Variants in HOMER1 observed in about 807,000 individuals in gnomAD.
HOMER1 encodes the protein homer protein homolog 1.
HOMER1 carries 3 observed loss-of-function variants against 48.9 expected under a neutral mutation model. That is an observed-to-expected ratio of 0.06 (90% CI 0.03 to 0.16). HOMER1 has a LOEUF of 0.16. Ranked by LOEUF, HOMER1 falls within the 10% of genes least tolerant of loss-of-function variation. The probability of loss-of-function intolerance (pLI) is 1.00; values close to 1 mark genes in which losing one functional copy is unlikely to be tolerated. For synonymous variants in HOMER1, 134 were observed against 146.4 expected, an observed-to-expected ratio of 0.92 and a Z score of 0.61; for missense variants, 247 against 411.4, an observed-to-expected ratio of 0.60 and a Z score of 3.46.
At chr5:79,406,482 A>G (rs1228131529) in intron 5 of HOMER1, among the ~76,000 whole-genome samples, 1 of 152,218 alleles carries the variant, frequency 6.6e-6, no homozygotes, top group Non-Finnish European at 1.5e-5. Flanking sequence ...GCTCTTTACC[A>G]CAGACTTCTA....
chr5:79,513,352 A>C lies in HOMER1; in HGVS notation c.-578T>G, dbSNP rs2112392151. On this transcript the variant is annotated 5_prime_UTR_variant, in exon 1 of 9. Coordinates refer to ENST00000334082, the MANE Select transcript of HOMER1 (RefSeq NM_004272.5). ...AATCTCCTCGAAGTGCAAACCCGGC[A>C]GCTCGCAACCTGCACGGCACTCCAC... is the stretch of plus-strand genomic sequence containing the variant. 6.4e-6 allele frequency: 1 copy of C among 155,094 alleles called. No individual in the cohort carries two copies. The highest frequency in any genetic ancestry group is 1.9e-4 in the South Asian group (1 of 5,194). 9.6% of individuals were successfully genotyped at this position (155,094 alleles called of 1,614,324 possible). A position where few individuals can be genotyped will look rare whatever the true frequency, so the allele number is the denominator to read the frequency against.
intron 8 of HOMER1, among the ~76,000 whole-genome samples, chr5:79,391,446 T>TA (rs1363632606): frequency 2.3e-4 from 35 of 150,850 alleles, no homozygotes; most frequent in Non-Finnish European, 4.1e-4. Context: ...TTTTTTTTTT[T>TA]ATGTATGAAA....
intron 5 of HOMER1, among the ~76,000 whole-genome samples, chr5:79,430,720 C>T (rs1440525605): frequency 6.6e-6 from 1 of 151,790 alleles, no homozygotes; most frequent in Middle Eastern, 3.2e-3. Context: ...GGGTGGATCA[C>T]GAGGTCAAGA....
At chr5:79,377,282 A>C (rs937447568) in intron 8 of HOMER1, among the ~76,000 whole-genome samples, 2 of 152,224 alleles carry the variant, frequency 1.3e-5, no homozygotes, top group African/African-American at 2.4e-5. Context: ...TGCTTTTAAA[A>C]TTGTCTCTAA....
intron 8 of HOMER1, 125 bp downstream of exon 8, chr5:79,396,698 G>C: frequency 2.0e-6 from 1 of 508,812 alleles, no homozygotes; most frequent in South Asian, 3.6e-5. Flanking sequence ...GCATGAATCA[G>C]AAGTCCCGGA....
chr5:79,407,319 G>GA (rs369393571), intron 5 of HOMER1, among the ~76,000 whole-genome samples: 59 of 143,800 alleles, frequency 4.1e-4, no homozygotes, highest in South Asian at 1.3e-3. Flanking sequence ...CAAAAAGCAA[G>GA]AAAAAAAAAA....
intron 2 of HOMER1, among the ~76,000 whole-genome samples, chr5:79,455,898 T>C (rs900933232): frequency 6.6e-6 from 1 of 152,222 alleles, no homozygotes; most frequent in Non-Finnish European, 1.5e-5. Context: ...AGCTCATGCC[T>C]GTAATCCCAG....
At chr5:79,417,628 T>G (rs1039894944) in intron 5 of HOMER1, among the ~76,000 whole-genome samples, 1 of 152,252 alleles carries the variant, frequency 6.6e-6, no homozygotes, top group Non-Finnish European at 1.5e-5. Context: ...TGAGATCAGT[T>G]AATTTCAATC....
chr5:79,392,595 A>G, intron 8 of HOMER1, among the ~76,000 whole-genome samples: 1 of 152,228 alleles, frequency 6.6e-6, no homozygotes, highest in Admixed American at 6.5e-5. Flanking sequence ...AAAATGTTAC[A>G]GTAAGCTAAG....
intron 8 of HOMER1, among the ~76,000 whole-genome samples, chr5:79,392,363 T>C (rs1055204483): frequency 1.3e-5 from 2 of 152,148 alleles, no homozygotes; most frequent in Non-Finnish European, 2.9e-5. Flanking sequence ...AAAACAGTGA[T>C]ATTGATGATC....
intron 6 of HOMER1, among the ~76,000 whole-genome samples, chr5:79,400,261 CCT>C (rs1749499425): frequency 6.6e-6 from 1 of 152,128 alleles, no homozygotes; most frequent in African/African-American, 2.4e-5. Flanking sequence ...CTTTCCCCCA[CCT>C]CTCTTAAGTT....
intron 3 of HOMER1, 44 bp downstream of exon 3, chr5:79,450,946 C>T (rs1290491501): frequency 6.3e-7 from 1 of 1,582,026 alleles, no homozygotes; most frequent in Non-Finnish European, 8.7e-7. Flanking sequence ...AGATATACGA[C>T]TTGAAGATGA....
chr5:79,396,846 C>T lies in HOMER1; in HGVS notation c.853G>A (p.Asp285Asn). The stretch of plus-strand genomic sequence containing the variant: ...ACCTGTAGTTTCTGAGTCAAAGAAT[C>T]CCTCTGTTCTTGTAGTTCTCTGGCA... ...DNARELQEQRDSLTQKLQEVE... is the reference protein window; with the variant it reads ...DNARELQEQRNSLTQKLQEVE... Residue 285 changes from aspartate to asparagine, a missense_variant, in exon 8 of 9, where the codon GAT becomes AAT. Coordinates refer to ENST00000334082, the MANE Select transcript of HOMER1 (RefSeq NM_004272.5). 2 of 1,601,604 alleles carry T rather than the reference C, an allele frequency of 1.2e-6. No homozygotes were observed. The highest frequency in any genetic ancestry group is 1.7e-6 in the Non-Finnish European group (2 of 1,170,588).
intron 8 of HOMER1, among the ~76,000 whole-genome samples, chr5:79,396,574 A>T (rs537018890): frequency 3.9e-5 from 6 of 152,002 alleles, no homozygotes; most frequent in Non-Finnish European, 7.4e-5. Context: ...AATTAAAAGT[A>T]GAAATTTCCA....
chr5:79,418,046 T>G lies in HOMER1; in HGVS notation c.528-15991A>C, dbSNP rs1749991383. Among the ~76,000 whole-genome samples, 3 of 152,238 alleles carry G rather than the reference T, an allele frequency of 2.0e-5. 1 individual carries two copies. The highest frequency in any genetic ancestry group is 2.0e-4 in the Admixed American group (3 of 15,288). On this transcript the variant is annotated intron_variant, in intron 5 of 8. Coordinates refer to ENST00000334082, the MANE Select transcript of HOMER1 (RefSeq NM_004272.5). ...AACTTTTGCATTCAGTTTAAATTTG[T>G]TTTTGAAGAGGAGGCCAGAATCAAA...
At chr5:79,423,318 G>A (rs997620197) in intron 5 of HOMER1, among the ~76,000 whole-genome samples, 1 of 152,082 alleles carries the variant, frequency 6.6e-6, no homozygotes, top group East Asian at 1.9e-4. Flanking sequence ...CTATAAGTTT[G>A]AATCTATAAG....
chr5:79,445,427 C>T (rs34033533), intron 4 of HOMER1, among the ~76,000 whole-genome samples: 94,833 of 152,050 alleles, frequency 0.62, 32,490 homozygotes, highest in East Asian at 0.99. Flanking sequence ...AGTAAAACCA[C>T]TGTATTATAA....
At chr5:79,437,474 AAAC>A (rs1750619333) in intron 5 of HOMER1, among the ~76,000 whole-genome samples, 1 of 152,234 alleles carries the variant, frequency 6.6e-6, no homozygotes, top group Non-Finnish European at 1.5e-5. Context: ...ATTCAGATAG[AAAC>A]AACTAAAATT....
rs34470593 is a variant in HOMER1, at chr5:79,375,904, A to ATTTT, written c.*101_*104dup. 91 of 352,696 alleles carry ATTTT rather than the reference A, an allele frequency of 2.6e-4. No homozygotes were observed. Among genetic ancestry groups the ATTTT allele is most frequent in the Non-Finnish European group, 3.2e-4 (66 of 205,116 alleles). The allele number at this position is 352,696 out of a possible 1,614,324, so 21.8% of individuals were successfully genotyped here. ...CCTCCTCCTGGAGGAGTGATATTCA[A>ATTTT]TTTTTTTTTTTTTTTTTTTGTGCAA... is the stretch of plus-strand genomic sequence containing the variant. On this transcript the variant is annotated 3_prime_UTR_variant, in exon 9 of 9. Transcript: ENST00000334082.
Sources: gnomAD v4.1 joint callset for allele counts (sites outside exome capture counted in the v4.1 genomes callset) on GRCh38, gnomAD v4.1.1 for gene constraint, MANE v1.5 for transcripts, NCBI Gene and HGNC (gene_info 2026-07-23, HGNC 2026-07-21) for gene names.